The following H2BC12 variants were observed in gnomAD, a reference collection of about 807,000 sequenced individuals.
H2BC12 encodes H2B clustered histone 12.
H2BC12 carries 6 observed loss-of-function variants against 6.3 expected under a neutral mutation model. The ratio of observed to expected loss-of-function variants is 0.95; its 90% CI spans 0.52 to 1.87. H2BC12 has a LOEUF of 1.87. H2BC12 is among the 40% of genes most tolerant of loss of function. H2BC12 has a pLI of 0.01. For synonymous variants in H2BC12, 132 were observed against 78.5 expected (o/e 1.68, Z -3.60); for missense variants, 119 against 178.4 (o/e 0.67, Z 1.90).
At chr6:27,139,047 A>G in the H2BC12 span, 1 of 414,200 alleles carries the variant, frequency 2.4e-6, no homozygotes, top group South Asian at 5.2e-5. Context: ...ATCTTCTATA[A>G]TGTTAACATT....
the H2BC12 span, chr6:27,138,917 T>G: frequency 6.2e-6 from 1 of 162,422 alleles, no homozygotes; most frequent in Non-Finnish European, 1.3e-5. Flanking sequence ...ATTTAGCATA[T>G]GGAGTATATT....
chr6:27,139,785 T>C, the H2BC12 span: 1 of 1,200,534 alleles, frequency 8.3e-7, no homozygotes, highest in Non-Finnish European at 1.1e-6. Context: ...GAAAATGGGC[T>C]GATGACTACA....
chr6:27,146,302 A>T (rs1168255811), downstream of H2BC12: 1 of 1,520,264 alleles, frequency 6.6e-7, no homozygotes, highest in Non-Finnish European at 8.9e-7. Context: ...CTTTAAAAAG[A>T]TCGCCCGAAT....
downstream of H2BC12, among the ~76,000 whole-genome samples, chr6:27,142,431 C>G (rs1404967243): frequency 6.6e-6 from 1 of 151,470 alleles, no homozygotes; most frequent in Non-Finnish European, 1.5e-5. Context: ...TACTACCACG[C>G]CAGGCTAATT....
At chr6:27,140,200 T>C in the H2BC12 span, among the ~76,000 whole-genome samples, 2 of 152,174 alleles carry the variant, frequency 1.3e-5, no homozygotes, top group Non-Finnish European at 2.9e-5. Flanking sequence ...ATATATCAAG[T>C]ATACAAAATG....
Position 27,146,363 on chromosome 6 carries a change from A to G in H2BC12, c.*55T>C. On this transcript the variant is annotated 3_prime_UTR_variant, in exon 1 of 1. Transcript: ENST00000356950. ...TTACAGCTCTAATATCGATAATTTAAGTGGCTCTTAAAAGAGCCTTTGGGG... is the reference window on the plus strand; with the variant it reads ...TTACAGCTCTAATATCGATAATTTAGGTGGCTCTTAAAAGAGCCTTTGGGG... 1 of 1,609,184 alleles carries G rather than the reference A, an allele frequency of 6.2e-7. No homozygotes were observed.
At chr6:27,142,110 AATTT>A (rs1007365231), downstream of H2BC12, among the ~76,000 whole-genome samples, 6 of 152,200 alleles carry the variant, frequency 3.9e-5, no homozygotes, top group African/African-American at 1.4e-4. Flanking sequence ...TCCCCACGAA[AATTT>A]ATTTTGATAT....
At chr6:27,146,096 G>C (rs530018344), downstream of H2BC12, among the ~76,000 whole-genome samples, 16 of 152,250 alleles carry the variant, frequency 1.1e-4, no homozygotes, top group South Asian at 1.5e-3. Flanking sequence ...CACAGCACTC[G>C]ACACAACGGA....
At chr6:27,141,040 C>T in the H2BC12 span, among the ~76,000 whole-genome samples, 76 of 150,054 alleles carry the variant, frequency 5.1e-4, no homozygotes, top group African/African-American at 1.8e-3. Flanking sequence ...CTACAGGCAT[C>T]AATCTGGGGG....
chr6:27,141,214 T>C, the H2BC12 span, among the ~76,000 whole-genome samples: 1 of 152,062 alleles, frequency 6.6e-6, no homozygotes, highest in African/African-American at 2.4e-5. Flanking sequence ...TGATTAACAA[T>C]ACCTAAAATT....
At chr6:27,144,811 A>G (rs150860077), downstream of H2BC12, among the ~76,000 whole-genome samples, 427 of 152,130 alleles carry the variant, frequency 2.8e-3, 2 homozygotes, top group African/African-American at 9.9e-3. Flanking sequence ...TTTTAATTTT[A>G]TTTGCGACGG....
chr6:27,139,478 G>A, the H2BC12 span: 76 of 1,614,094 alleles, frequency 4.7e-5, no homozygotes, highest in Non-Finnish European at 6.4e-5. Flanking sequence ...GAGACCCGCG[G>A]AGTGTTGAAG....
Position 27,146,491 on chromosome 6 carries a change from A to G in H2BC12, c.308T>C (p.Leu103Pro), listed in dbSNP as rs750150296. ...REIQTAVRLL[L>P]PGELAKHAVS... ...GGCGTGCTTGGCCAACTCCCCGGGCAGCAGCAGGCGCACGGCCGTCTGGAT... is the reference window on the plus strand; with the variant it reads ...GGCGTGCTTGGCCAACTCCCCGGGCGGCAGCAGGCGCACGGCCGTCTGGAT... The change falls in exon 1 of 1, where the codon CTG becomes CCG. Residue 103 changes from leucine (L) to proline (P), a missense_variant. Coordinates refer to ENST00000356950, the MANE Select transcript of H2BC12 (RefSeq NM_001312653.2). 1 of 1,614,246 alleles carries G rather than the reference A, an allele frequency of 6.2e-7. No individual in the cohort carries two copies. Among genetic ancestry groups the G allele is most frequent in the South Asian group, 1.1e-5 (1 of 91,086 alleles).
chr6:27,139,253 C>A, the H2BC12 span: 1 of 1,528,782 alleles, frequency 6.5e-7, no homozygotes, highest in South Asian at 1.3e-5. Flanking sequence ...AGAGGTTACC[C>A]ATAAAAGAAA....
At chr6:27,145,338 A>ACACACACACACACACAC (rs60765842), downstream of H2BC12, among the ~76,000 whole-genome samples, 2 of 148,528 alleles carry the variant, frequency 1.3e-5, no homozygotes, top group African/African-American at 5.0e-5. Context: ...ACACACACAC[A>ACACACACACACACACAC]AAATTCCCCT....
chr6:27,140,174 C>T, the H2BC12 span, among the ~76,000 whole-genome samples: 1 of 152,114 alleles, frequency 6.6e-6, no homozygotes, highest in Non-Finnish European at 1.5e-5. Context: ...TATATGTTTG[C>T]CTTTTAAATA....
At chr6:27,145,295 TACACACACACACACACAC>T (rs57882884), downstream of H2BC12, among the ~76,000 whole-genome samples, 219 of 142,724 alleles carry the variant, frequency 1.5e-3, 1 homozygote, top group African/African-American at 4.8e-3. Flanking sequence ...ATATGTTAAA[TACACACACACACACACAC>T]ACACACACAC....
the H2BC12 span, chr6:27,139,443 G>A: frequency 6.2e-7 from 1 of 1,614,214 alleles, no homozygotes; most frequent in Non-Finnish European, 8.5e-7. Flanking sequence ...GCGGCGTGAA[G>A]CGCATTTCTG....
downstream of H2BC12, among the ~76,000 whole-genome samples, chr6:27,146,185 G>C (rs1451281947): frequency 6.6e-6 from 1 of 152,090 alleles, no homozygotes; most frequent in African/African-American, 2.4e-5. Flanking sequence ...TTTTTTAGGC[G>C]CCATATTCCT....
Sources: gnomAD v4.1 joint callset for allele counts (sites outside exome capture counted in the v4.1 genomes callset) on GRCh38, gnomAD v4.1.1 for gene constraint, MANE v1.5 for transcripts, NCBI Gene and HGNC (gene_info 2026-07-23, HGNC 2026-07-21) for gene names.